The following HK1 variants were observed in gnomAD, a reference collection of about 807,000 sequenced individuals.
The protein encoded by HK1 is hexokinase 1.
Under a neutral mutation model 91.6 loss-of-function variants are expected in HK1, and 28 were observed. The ratio of observed to expected loss-of-function variants is 0.31; its 90% confidence interval spans 0.23 to 0.42. The LOEUF (loss-of-function observed/expected upper bound fraction) is 0.42. Ranked by LOEUF, HK1 falls within the 10% of genes least tolerant of loss-of-function variation. The probability of loss-of-function intolerance (pLI) is 1.00; values close to 1 mark genes in which losing one functional copy is unlikely to be tolerated. For synonymous variants in HK1, 430 were observed against 468.1 expected (o/e 0.92, Z 1.05); for missense variants, 770 against 1,219.8 (o/e 0.63, Z 5.49).
rs549708905 is a variant in HK1, at chr10:69,384,709, G to T, written c.1720-87G>T. 8 of 1,549,738 alleles carry T rather than the reference G, an allele frequency of 5.2e-6. No individual in the cohort carries two copies. The South Asian group carries it at 8.9e-5, about 17-fold the overall frequency. On this transcript the variant is annotated intron_variant, in intron 11 of 17. Coordinates refer to ENST00000359426, the MANE Select transcript of HK1 (RefSeq NM_000188.3). ...GTGTGTGGGGTGTGTTTTCCTACGT[G>T]TGTGTGTGTATACACACTTTGGTCC...
At chr10:69,399,405 G>A (rs1185051638) in intron 17 of HK1, among the ~76,000 whole-genome samples, 2 of 152,240 alleles carry the variant, frequency 1.3e-5, no homozygotes, top group East Asian at 3.9e-4. Context: ...CCAGCTACTC[G>A]GGAGGCTGAG....
chr10:69,375,387 G>A (rs142235653), intron 7 of HK1, among the ~76,000 whole-genome samples: 1 of 152,326 alleles, frequency 6.6e-6, no homozygotes, highest in African/African-American at 2.4e-5. Flanking sequence ...CTCCACCAGT[G>A]CTGAGATTCC....
chr10:69,366,338 C>A (rs1849698210), intron 4 of HK1, among the ~76,000 whole-genome samples: 1 of 152,130 alleles, frequency 6.6e-6, no homozygotes, highest in African/African-American at 2.4e-5. Context: ...GCTCAGGGCA[C>A]CTTCCACACT....
At chr10:69,399,795 C>T (rs914460252) in intron 17 of HK1, among the ~76,000 whole-genome samples, 4 of 152,090 alleles carry the variant, frequency 2.6e-5, no homozygotes, top group African/African-American at 9.7e-5. Context: ...GTCAAGAGTG[C>T]TAATAATTAT....
chr10:69,310,902 C>A (rs1216611664), upstream of HK1, among the ~76,000 whole-genome samples: 1 of 152,162 alleles, frequency 6.6e-6, no homozygotes, highest in Admixed American at 6.6e-5. Flanking sequence ...ACTAAAAATA[C>A]AAAATTTAGC....
chr10:69,383,141 A>C (rs572226500), intron 10 of HK1, among the ~76,000 whole-genome samples: 21 of 152,174 alleles, frequency 1.4e-4, no homozygotes, highest in Non-Finnish European at 2.9e-4. Context: ...GTTCAAGACC[A>C]GTCTGGGCAA....
chr10:69,392,256 A>G lies in HK1; in HGVS notation c.2167A>G (p.Thr723Ala). Residue 723 changes from threonine (T) to alanine (A), a missense_variant, in exon 15 of 18, where the codon ACA becomes GCA. Physicochemically the swap from Thr to Ala is moderately conservative, Grantham distance 58. Coordinates refer to ENST00000359426, the MANE Select transcript of HK1 (RefSeq NM_000188.3). ...CAACGGGTGTCTGGATGATATCAGGACACACTACGACAGACTGGTGGACGA... is the reference window on the plus strand; with the variant it reads ...CAACGGGTGTCTGGATGATATCAGGGCACACTACGACAGACTGGTGGACGA... ...GDNGCLDDIR[T>A]HYDRLVDEYS... is the part of the protein sequence containing the mutation. 1 of 1,614,216 alleles carries G rather than the reference A, an allele frequency of 6.2e-7. No homozygotes were observed. Among genetic ancestry groups the G allele is most frequent in the Non-Finnish European group, 8.5e-7 (1 of 1,180,046 alleles).
Position 69,368,268 on chromosome 10 carries a change from C to T in HK1, c.496-268C>T, listed in dbSNP as rs77949387. Among the ~76,000 whole-genome samples the T allele has an allele frequency of 2.1e-3, 320 of 152,356 alleles. 2 individuals are homozygous for T. Among genetic ancestry groups the T allele is most frequent in the African/African-American group, 7.4e-3 (308 of 41,584 alleles). On this transcript the variant is annotated intron_variant, in intron 4 of 17. Transcript: ENST00000359426. ...TGGCAAGCCATGTGGCATTACTGTC[C>T]CCACATCCACTTGCTTTCTTCTGGA... is the stretch of plus-strand genomic sequence containing the variant.
At chr10:69,332,680 C>T (rs1847797707) in intron 1 of HK1, among the ~76,000 whole-genome samples, 1 of 152,016 alleles carries the variant, frequency 6.6e-6, no homozygotes. Flanking sequence ...CCTGGCCTGG[C>T]CTCTGTTTCA....
intron 4 of HK1, among the ~76,000 whole-genome samples, chr10:69,365,356 C>A (rs1849646942): frequency 1.3e-5 from 2 of 151,896 alleles, no homozygotes; most frequent in South Asian, 4.1e-4. Flanking sequence ...CCCAGGGATG[C>A]CCTTGGCGAC....
chr10:69,359,286 G>T (rs1005914187), intron 2 of HK1, among the ~76,000 whole-genome samples: 1 of 152,184 alleles, frequency 6.6e-6, no homozygotes, highest in Non-Finnish European at 1.5e-5. Flanking sequence ...TTGGGGTGAT[G>T]AAAAAGTTTT....
chr10:69,295,746 A>G (rs944680836), intron 4 of HK1: 2 of 1,026,064 alleles, frequency 1.9e-6, no homozygotes, highest in Non-Finnish European at 3.1e-6. Flanking sequence ...GTGCGTGGCA[A>G]TCCCCTTTGG....
intron 16 of HK1, among the ~76,000 whole-genome samples, chr10:69,397,244 G>A (rs73274848): frequency 0.022 from 3,363 of 151,944 alleles, 89 homozygotes; most frequent in African/African-American, 0.063. Context: ...TTCCACAGTG[G>A]CTGTAACATT....
chr10:69,294,709 AT>A (rs1326154008), intron 3 of HK1, among the ~76,000 whole-genome samples: 3 of 141,552 alleles, frequency 2.1e-5, no homozygotes, highest in Admixed American at 2.1e-4. Flanking sequence ...TACAAAAAAA[AT>A]AATTAGCCGG....
intron 4 of HK1, among the ~76,000 whole-genome samples, chr10:69,296,824 T>C (rs1036630997): frequency 6.6e-6 from 1 of 152,192 alleles, no homozygotes; most frequent in African/African-American, 2.4e-5. Flanking sequence ...TGAAGGATCC[T>C]CTAGGCTGAG....
intron 2 of HK1, among the ~76,000 whole-genome samples, chr10:69,348,087 A>G (rs76533516): frequency 6.6e-6 from 1 of 152,144 alleles, no homozygotes; most frequent in East Asian, 1.9e-4. Context: ...TATTGTAAGC[A>G]CTAATTAGAG....
At chr10:69,345,636 G>A (rs760847577) in intron 2 of HK1, among the ~76,000 whole-genome samples, 1 of 152,046 alleles carries the variant, frequency 6.6e-6, no homozygotes, top group South Asian at 2.1e-4. Flanking sequence ...TGATCCCTGC[G>A]AGGCACCTGG....
intron 14 of HK1, among the ~76,000 whole-genome samples, chr10:69,391,374 G>A (rs1007688474): frequency 2.6e-5 from 4 of 152,274 alleles, no homozygotes; most frequent in Non-Finnish European, 5.9e-5. Context: ...TGGGCGTGGT[G>A]CCCACGCCTG....
chr10:69,374,412 C>CT (rs2132841445), intron 7 of HK1, among the ~76,000 whole-genome samples: 1 of 152,376 alleles, frequency 6.6e-6, no homozygotes, highest in Non-Finnish European at 1.5e-5. Context: ...TCGTAGGTGT[C>CT]TGACTGCCGA....
Sources: gnomAD v4.1 joint callset for allele counts (sites outside exome capture counted in the v4.1 genomes callset) on GRCh38, gnomAD v4.1.1 for gene constraint, MANE v1.5 for transcripts, NCBI Gene and HGNC (gene_info 2026-07-23, HGNC 2026-07-21) for gene names.